PRDM12: variants seen among roughly 807,000 people sequenced by gnomAD.
PRDM12 encodes PR/SET domain 12, also known as PR domain zinc finger protein 12.
A neutral mutation model predicts 29.6 loss-of-function variants in PRDM12; 17 were observed. The observed-to-expected ratio is 0.57, with a 90% CI of 0.39 to 0.86. The LOEUF (loss-of-function observed/expected upper bound fraction) is 0.86. Among genes scored for constraint, PRDM12 ranks in the 40% least tolerant of loss-of-function variants. The probability of loss-of-function intolerance (pLI) is 0.00; values close to 1 mark genes in which losing one functional copy is unlikely to be tolerated. For missense variants in PRDM12, 422 were observed against 510.8 expected (o/e 0.83, Z 1.68); for synonymous variants, 231 against 225.8 (o/e 1.02, Z -0.21).
rs773010364 is a variant in PRDM12, at chr9:130,681,560, C to A, written c.995C>A (p.Ala332Glu). 1.6e-3 allele frequency: 1,992 copies of A among 1,224,332 alleles called. 1 individual carries two copies. Among genetic ancestry groups the A allele is most frequent in the Non-Finnish European group, 1.8e-3 (1,810 of 983,148 alleles). 75.8% of individuals were successfully genotyped at this position (1,224,332 alleles called of 1,614,324 possible). A position where few individuals can be genotyped will look rare whatever the true frequency, so the allele number is the denominator to read the frequency against. ...RHRPPSTALQAHSPALPAPHA... is the reference protein window; with the variant it reads ...RHRPPSTALQEHSPALPAPHA... ...CGGCCGCCCAGCACCGCGCTGCAGG[C>A]ACACTCGCCCGCGCTGCCCGCCCCG... The change falls in exon 5 of 5, where the codon GCA becomes GAA. Residue 332 changes from alanine to glutamate, a missense_variant. By Grantham distance (107) the Ala-to-Glu change is moderately radical. This residue lies in a region of PRDM12 where 66 missense variants were observed against 61.5 expected (regional missense o/e 1.07). Coordinates refer to ENST00000253008, the MANE Select transcript of PRDM12 (RefSeq NM_021619.3). The surrounding 1 kb of genome is among the most constrained non-coding windows in gnomAD (Gnocchi z 8.1).
rs116433303 is a variant in PRDM12, at chr9:130,668,362, G to A, written c.570+49G>A. On this transcript the variant is annotated intron_variant, in intron 3 of 4. Transcript: ENST00000253008. This position sits in a 1 kb window ranked among gnomAD's most constrained non-coding sequence, Gnocchi z 4.0. Reference sequence around the variant, plus strand: ...TGTGTAGGGACCAGCCGGTAAACCCGGCGGGGGGAGGTGTGCAGGGCAGCG... The same window carrying A: ...TGTGTAGGGACCAGCCGGTAAACCCAGCGGGGGGAGGTGTGCAGGGCAGCG... 115 of 1,605,358 alleles carry A rather than the reference G, an allele frequency of 7.2e-5. No individual in the cohort carries two copies. In the African/African-American group the frequency reaches 1.1e-3, roughly 15 times the overall value.
intron 3 of PRDM12, among the ~76,000 whole-genome samples, chr9:130,670,537 C>G (rs756551636): frequency 3.9e-5 from 6 of 152,164 alleles, no homozygotes; most frequent in Non-Finnish European, 8.8e-5. Flanking sequence ...GCAGAGAGCA[C>G]TGAAGGTAGC....
Position 130,668,363 on chromosome 9 carries a change from G to A in PRDM12, c.570+50G>A. The A allele has an allele frequency of 6.2e-7, 1 of 1,605,646 alleles. No homozygotes were observed. The highest frequency in any genetic ancestry group is 8.5e-7 in the Non-Finnish European group (1 of 1,174,014). On this transcript the variant is annotated intron_variant, in intron 3 of 4. Transcript: ENST00000253008. The surrounding 1 kb of genome is among the most constrained non-coding windows in gnomAD (Gnocchi z 4.0). ...GTGTAGGGACCAGCCGGTAAACCCG[G>A]CGGGGGGAGGTGTGCAGGGCAGCGG... is the stretch of plus-strand genomic sequence containing the variant.
chr9:130,665,853 C>T (rs1830728466), intron 1 of PRDM12, among the ~76,000 whole-genome samples: 1 of 152,210 alleles, frequency 6.6e-6, no homozygotes, highest in South Asian at 2.1e-4. Flanking sequence ...CCCTTGTGCG[C>T]CTCGCCGCTT....
intron 1 of PRDM12, among the ~76,000 whole-genome samples, chr9:130,665,902 G>A (rs1255759312): frequency 3.3e-5 from 5 of 152,188 alleles, no homozygotes; most frequent in African/African-American, 1.2e-4. Flanking sequence ...GAACCCTCGG[G>A]GAGCTGGGGG....
chr9:130,676,283 G>A (rs368354501), intron 3 of PRDM12, among the ~76,000 whole-genome samples: 85 of 152,252 alleles, frequency 5.6e-4, no homozygotes, highest in Non-Finnish European at 1.0e-3. Flanking sequence ...GAGATCAGGA[G>A]ATCGAGACCA....
chr9:130,673,315 C>G (rs1285677615), intron 3 of PRDM12, among the ~76,000 whole-genome samples: 1 of 152,164 alleles, frequency 6.6e-6, no homozygotes, highest in East Asian at 1.9e-4. Flanking sequence ...GCTGCAGGTT[C>G]CTGGGTTTCC....
Position 130,681,434 on chromosome 9 carries a change from T to G in PRDM12, c.869T>G (p.Val290Gly). The change falls in exon 5 of 5, where the codon GTG becomes GGG. Residue 290 changes from valine (V) to glycine (G), a missense_variant. Val to Gly is a moderately radical substitution (Grantham distance 109). Around this residue, in one of 5 missense-constraint regions of PRDM12, gnomAD observed 24 missense variants for 64.0 expected, o/e 0.38. Coordinates refer to ENST00000253008, the MANE Select transcript of PRDM12 (RefSeq NM_021619.3). The surrounding 1 kb of genome is among the most constrained non-coding windows in gnomAD (Gnocchi z 8.1). ...CAGTCGTCCACGCTGCGCAACCACGTGCGCCTGCACACGGGCGAGCGCCCC... is the reference window on the plus strand; with the variant it reads ...CAGTCGTCCACGCTGCGCAACCACGGGCGCCTGCACACGGGCGAGCGCCCC... ...FSQSSTLRNH[V>G]RLHTGERPYK... 1 of 1,597,424 alleles carries G rather than the reference T, an allele frequency of 6.3e-7. No homozygotes were observed. Among genetic ancestry groups the G allele is most frequent in the Admixed American group, 1.7e-5 (1 of 59,388 alleles).
chr9:130,669,648 T>A (rs1042146240), intron 3 of PRDM12, among the ~76,000 whole-genome samples: 2 of 150,408 alleles, frequency 1.3e-5, no homozygotes. Flanking sequence ...ACCCCGTCTC[T>A]ACTAAAAAAT....
chr9:130,673,327 G>A (rs1286327314), intron 3 of PRDM12, among the ~76,000 whole-genome samples: 1 of 152,174 alleles, frequency 6.6e-6, no homozygotes, highest in Non-Finnish European at 1.5e-5. Flanking sequence ...TGGGTTTCCC[G>A]GGCTTGATAG....
intron 3 of PRDM12, among the ~76,000 whole-genome samples, chr9:130,676,448 A>T (rs1830843374): frequency 6.6e-6 from 1 of 152,148 alleles, no homozygotes; most frequent in South Asian, 2.1e-4. Context: ...GTGAGCCAAG[A>T]TCGCGCCACT....
intron 3 of PRDM12, among the ~76,000 whole-genome samples, chr9:130,673,847 T>C (rs2132598077): frequency 6.6e-6 from 1 of 151,752 alleles, no homozygotes; most frequent in East Asian, 2.0e-4. Context: ...AATTTTGTAT[T>C]TTAAGTAGAC....
At chr9:130,670,796 A>G (rs1202095631) in intron 3 of PRDM12, among the ~76,000 whole-genome samples, 5 of 152,160 alleles carry the variant, frequency 3.3e-5, no homozygotes, top group Non-Finnish European at 7.3e-5. Context: ...ACACATGTGA[A>G]CACAAGAGAC....
chr9:130,664,613 G>T lies in PRDM12; in HGVS notation c.-41G>T. On this transcript the variant is annotated 5_prime_UTR_variant, in exon 1 of 5. Coordinates refer to ENST00000253008, the MANE Select transcript of PRDM12 (RefSeq NM_021619.3). This position sits in a 1 kb window ranked among gnomAD's most constrained non-coding sequence, Gnocchi z 6.4. ...CTCTCGCCCGCCCACCTCCCCCGTC[G>T]GCCCGGCCGTCCCCCGGCGCCGGGG... is the stretch of plus-strand genomic sequence containing the variant. 2.1e-6 allele frequency: 3 copies of T among 1,420,774 alleles called. No individual in the cohort carries two copies. In the South Asian group the frequency reaches 4.2e-5, roughly 20 times the overall value. The allele number at this position is 1,420,774 out of a possible 1,614,324, so 88.0% of individuals were successfully genotyped here.
At chr9:130,680,634 A>AATATATATATATATAT (rs1181007721) in intron 4 of PRDM12, among the ~76,000 whole-genome samples, 10 of 88,490 alleles carry the variant, frequency 1.1e-4, no homozygotes, top group South Asian at 4.0e-4. Context: ...AAAAAAAAAA[A>AATATATATATATATAT]ATATATATAT....
chr9:130,674,534 A>G (rs868493191), intron 3 of PRDM12, among the ~76,000 whole-genome samples: 46 of 89,570 alleles, frequency 5.1e-4, no homozygotes, highest in South Asian at 4.4e-3. Flanking sequence ...GTGTGTGTGT[A>G]TAGAAGTAAT....
intron 2 of PRDM12, 33 bp downstream of exon 2, chr9:130,666,831 G>A (rs762255010): frequency 4.5e-6 from 7 of 1,555,398 alleles, no homozygotes; most frequent in Non-Finnish European, 5.2e-6. Context: ...GGGCGCAAGG[G>A]CCGGCGAGGG....
Position 130,666,806 on chromosome 9 carries a change from C to T in PRDM12, c.414+8C>T, listed in dbSNP as rs367850373. 1.4e-5 allele frequency: 22 copies of T among 1,592,278 alleles called. No individual in the cohort carries two copies. The African/African-American group carries it at 3.0e-4, about 22-fold the overall frequency. On this transcript the variant is annotated splice_region_variant and intron_variant, in intron 2 of 4. Transcript: ENST00000253008. ...AACAACCTCATGTGGGAGGTACGCG[C>T]GGGCTGGGGCAGAGGGGCGCAAGGG...
At chr9:130,671,486 C>T (rs751031037) in intron 3 of PRDM12, among the ~76,000 whole-genome samples, 2 of 151,922 alleles carry the variant, frequency 1.3e-5, no homozygotes, top group Non-Finnish European at 2.9e-5. Context: ...AGTTAGCAAG[C>T]CTTCTAAGAA....
Sources: gnomAD v4.1 joint callset for allele counts (sites outside exome capture counted in the v4.1 genomes callset) on GRCh38, gnomAD v4.1.1 for gene constraint, gnomAD v4.1.1 regional missense constraint, Gnocchi (gnomAD v3.1) non-coding constraint, MANE v1.5 for transcripts, NCBI Gene and HGNC (gene_info 2026-07-23, HGNC 2026-07-21) for gene names.